Variants in FBXL5 observed in about 807,000 individuals in gnomAD.
FBXL5 encodes F-box/LRR-repeat protein 5.
Under a neutral mutation model 78.3 loss-of-function variants are expected in FBXL5, and 26 were observed. That is an observed-to-expected ratio of 0.33 (90% CI 0.24 to 0.46). The LOEUF (loss-of-function observed/expected upper bound fraction) is 0.46, where lower values mean the gene tolerates loss of function less well. FBXL5 is among the 20% of genes least tolerant of loss of function. The pLI, the probability that FBXL5 is intolerant of heterozygous loss-of-function variation, is 1.00. For synonymous variants in FBXL5, 295 were observed against 282.5 expected (o/e 1.04, Z -0.45); for missense variants, 710 against 829.2 (o/e 0.86, Z 1.77).
intron 9 of FBXL5, among the ~76,000 whole-genome samples, chr4:15,612,718 C>T (rs1446659577): frequency 6.6e-6 from 1 of 152,002 alleles, no homozygotes; most frequent in Non-Finnish European, 1.5e-5. Context: ...TGTTCATTCT[C>T]CTACCCAACT....
At chr4:15,654,024 G>A (rs1178832660) in intron 1 of FBXL5, among the ~76,000 whole-genome samples, 5 of 152,194 alleles carry the variant, frequency 3.3e-5, no homozygotes, top group African/African-American at 1.2e-4. Context: ...AGAATGGAGG[G>A]AGGGAGAAGA....
At chr4:15,651,655 C>T (rs1716071458) in intron 1 of FBXL5, among the ~76,000 whole-genome samples, 1 of 152,168 alleles carries the variant, frequency 6.6e-6, no homozygotes, top group Admixed American at 6.5e-5. Flanking sequence ...ATTCAAATTA[C>T]TCTAAGCTTC....
intron 3 of FBXL5, among the ~76,000 whole-genome samples, chr4:15,640,433 G>C (rs1447901352): frequency 8.2e-6 from 1 of 122,676 alleles, no homozygotes; most frequent in Non-Finnish European, 1.8e-5. Flanking sequence ...TTTAAACATA[G>C]CATGAAAACA....
chr4:15,678,849 G>A lies in FBXL5; in HGVS notation c.-284+2534C>T, dbSNP rs1421751041. ...GTTTGGTGAAATGATGTAATAAACT[G>A]CTGCAAATTCTGTTTCTCACTCTAC... On this transcript the variant is annotated intron_variant, in intron 1 of 4. Transcript: ENST00000507899. Among the ~76,000 whole-genome samples the A allele has an allele frequency of 3.9e-5, 6 of 152,156 alleles. No homozygotes were observed. The East Asian group carries it at 7.7e-4, about 20-fold the overall frequency.
Position 15,630,744 on chromosome 4 carries a change from C to CATCAGGTTCAGT in FBXL5, c.802_813dup (p.Thr268_Asp271dup). On this transcript the variant is annotated inframe_insertion, in exon 6 of 11. Transcript: ENST00000341285. ...TCTTTCCTATTTTTCACCCATTCAT[C>CATCAGGTTCAGT]ATCAGGTTCAGTATCAAGTTCAGTT... 6.2e-7 allele frequency: 1 copy of CATCAGGTTCAGT among 1,610,452 alleles called. No homozygotes were observed. The highest frequency in any genetic ancestry group is 1.1e-5 in the South Asian group (1 of 90,160).
At position 15,625,823 on chromosome 4, in the gene FBXL5, T is replaced by C; in HGVS notation, c.1279A>G (p.Thr427Ala). Residue 427 changes from threonine (T) to alanine (A), a missense_variant, in exon 9 of 11, where the codon ACT (threonine) becomes GCT (alanine). Physicochemically the swap from Thr to Ala is moderately conservative, Grantham distance 58. Around this residue, in one of 4 missense-constraint regions of FBXL5, gnomAD observed 517 missense variants for 542.9 expected, o/e 0.95. Coordinates refer to ENST00000341285, the MANE Select transcript of FBXL5 (RefSeq NM_012161.4). Reference protein sequence around the residue: ...GFLKTSTSKITSTAWKNKDIT... With the variant: ...GFLKTSTSKIASTAWKNKDIT... ...TCTTTATTTTTCCACGCAGTTGAAGTAATTTTGCTTGTAGATGTTTTCAAA... is the reference window on the plus strand; with the variant it reads ...TCTTTATTTTTCCACGCAGTTGAAGCAATTTTGCTTGTAGATGTTTTCAAA... The C allele has an allele frequency of 6.2e-7, 1 of 1,614,138 alleles. No homozygotes were observed. The highest frequency in any genetic ancestry group is 8.5e-7 in the Non-Finnish European group (1 of 1,180,008).
chr4:15,666,302 G>A (rs1717542236), intron 1 of FBXL5, among the ~76,000 whole-genome samples: 1 of 152,114 alleles, frequency 6.6e-6, no homozygotes, highest in African/African-American at 2.4e-5. Context: ...AGGAGGCTGA[G>A]GTGGGAAGAT....
At chr4:15,676,579 T>C (rs1718002436) in intron 1 of FBXL5, among the ~76,000 whole-genome samples, 1 of 152,138 alleles carries the variant, frequency 6.6e-6, no homozygotes, top group South Asian at 2.1e-4. Context: ...ATTATAAAAA[T>C]CTTAACACTC....
chr4:15,673,767 A>T (rs2148817656), intron 1 of FBXL5, among the ~76,000 whole-genome samples: 2 of 152,294 alleles, frequency 1.3e-5, no homozygotes, highest in South Asian at 4.1e-4. Context: ...TCTCCCTTCT[A>T]GCAAACTCTG....
Position 15,640,791 on chromosome 4 carries a change from CT to C in FBXL5, c.392del (p.Glu131GlyfsTer8). On this transcript the variant is annotated frameshift_variant, in exon 3 of 11. Coordinates refer to ENST00000341285, the MANE Select transcript of FBXL5 (RefSeq NM_012161.4). LOFTEE classifies it high-confidence loss of function. ...ACGAAAGAAAAATTATGCTTACCTC[CT>C]CTTCCTCTTTCATGTGAGGAAGAAA... Reference protein sequence around the residue: ...RDFLPHMKEEEEVFQPMLMEY... With the variant: ...RDFLPHMKEEXEVFQPMLMEY... 1 of 1,502,810 alleles carries C rather than the reference CT, an allele frequency of 6.7e-7. No individual in the cohort carries two copies. Among genetic ancestry groups the C allele is most frequent in the Non-Finnish European group, 9.0e-7 (1 of 1,110,248 alleles). The allele number at this position is 1,502,810 out of a possible 1,614,324, so 93.1% of individuals were successfully genotyped here. A position where few individuals can be genotyped will look rare whatever the true frequency, so the allele number is the denominator to read the frequency against.
In FBXL5 at chr4:15,655,350, C is replaced by G. The variant is rs1468647758; in HGVS notation, c.-63G>C. On this transcript the variant is annotated 5_prime_UTR_variant, in exon 1 of 11. Transcript: ENST00000341285. The stretch of plus-strand genomic sequence containing the variant: ...GCCGCCTCTCCATAGACACCCTCGC[C>G]GCGGGGCAGAGGCGGCGCGCCCCCT... 4.8e-6 allele frequency: 6 copies of G among 1,257,692 alleles called. No homozygotes were observed. The African/African-American group carries it at 6.3e-5, about 13-fold the overall frequency. 77.9% of individuals were successfully genotyped at this position (1,257,692 alleles called of 1,614,324 possible). A position where few individuals can be genotyped will look rare whatever the true frequency, so the allele number is the denominator to read the frequency against.
intron 1 of FBXL5, 140 bp from the exon 2 acceptor site, chr4:15,644,848 C>T (rs1374609300): frequency 1.6e-6 from 1 of 630,350 alleles, no homozygotes; most frequent in African/African-American, 1.8e-5. Flanking sequence ...AAAAGAAATT[C>T]ATAAATTAAC....
At chr4:15,631,278 T>G (rs1034934473) in intron 5 of FBXL5, among the ~76,000 whole-genome samples, 5 of 152,250 alleles carry the variant, frequency 3.3e-5, no homozygotes, top group Admixed American at 3.3e-4. Context: ...TAGTATTACA[T>G]GGTGTATATG....
upstream of FBXL5, among the ~76,000 whole-genome samples, chr4:15,661,498 T>C (rs1717304159): frequency 6.6e-6 from 1 of 152,240 alleles, no homozygotes; most frequent in Non-Finnish European, 1.5e-5. Flanking sequence ...TTTCAGTGTT[T>C]GGGAACCTTA....
At chr4:15,640,760 T>C (rs375815793) in intron 3 of FBXL5, 28 bp downstream of exon 3, 76 of 1,239,126 alleles carry the variant, frequency 6.1e-5, no homozygotes, top group Non-Finnish European at 7.9e-5. Flanking sequence ...GTTATAAATC[T>C]AAATCACGAA....
chr4:15,652,879 T>C (rs970670140), intron 1 of FBXL5, among the ~76,000 whole-genome samples: 2 of 142,410 alleles, frequency 1.4e-5, no homozygotes, highest in African/African-American at 5.3e-5. Context: ...TATAGTTTTA[T>C]TGTAAACTGT....
intron 5 of FBXL5, among the ~76,000 whole-genome samples, chr4:15,636,028 G>C (rs1054035553): frequency 6.6e-6 from 1 of 151,952 alleles, no homozygotes; most frequent in Non-Finnish European, 1.5e-5. Flanking sequence ...CACCAAAATG[G>C]AGCCATAATG....
intron 9 of FBXL5, 70 bp from the exon 10 acceptor site, chr4:15,612,484 T>C (rs960854457): frequency 7.2e-7 from 1 of 1,381,676 alleles, no homozygotes; most frequent in Non-Finnish European, 9.8e-7. Flanking sequence ...TATGGTTCAC[T>C]GAACCACTAT....
chr4:15,626,898 C>A lies in FBXL5; in HGVS notation c.1099G>T (p.Asp367Tyr). ...CTGTCAAATGCAGAATCTGAAATGT[C>A]AGTCTGGGTAAGATCCAGATGCTCC... is the stretch of plus-strand genomic sequence containing the variant. ...NLEHLDLTQT[D>Y]ISDSAFDSWS... The change falls in exon 8 of 11, where the codon GAC becomes TAC. Residue 367 changes from aspartate (D) to tyrosine (Y), a missense_variant. Physicochemically the swap from Asp to Tyr is radical, Grantham distance 160. Transcript: ENST00000341285. 1 of 1,610,810 alleles carries A rather than the reference C, an allele frequency of 6.2e-7. No individual in the cohort carries two copies. The highest frequency in any genetic ancestry group is 8.5e-7 in the Non-Finnish European group (1 of 1,178,428).
Sources: gnomAD v4.1 joint callset for allele counts (sites outside exome capture counted in the v4.1 genomes callset) on GRCh38, gnomAD v4.1.1 for gene constraint, gnomAD v4.1.1 regional missense constraint, MANE v1.5 for transcripts, NCBI Gene and HGNC (gene_info 2026-07-23, HGNC 2026-07-21) for gene names.